Variants in LRP2 observed in about 807,000 individuals in gnomAD.
The protein encoded by LRP2 is low-density lipoprotein receptor-related protein 2.
LRP2 carries 172 observed loss-of-function variants against 531.0 expected under a neutral mutation model. The observed-to-expected ratio is 0.32, with a 90% CI of 0.29 to 0.37. The LOEUF (loss-of-function observed/expected upper bound fraction) is 0.37, where lower values mean the gene tolerates loss of function less well. LRP2 is among the 10% of genes least tolerant of loss of function. The pLI, the probability that LRP2 is intolerant of heterozygous loss-of-function variation, is 1.00. For synonymous variants in LRP2, 1,992 were observed against 2,027.6 expected (o/e 0.98, Z 0.47); for missense variants, 5,167 against 5,868.3 (o/e 0.88, Z 3.90).
chr2:169,327,569 C>T (rs1317577319), intron 1 of LRP2, among the ~76,000 whole-genome samples: 49 of 123,276 alleles, frequency 4.0e-4, no homozygotes, highest in Admixed American at 1.6e-3. Context: ...CCGCCCCATC[C>T]GGGAGGTGAG....
At chr2:169,211,398 A>G (rs781690934) in intron 37 of LRP2, among the ~76,000 whole-genome samples, 6 of 152,136 alleles carry the variant, frequency 3.9e-5, no homozygotes, top group Non-Finnish European at 5.9e-5. Context: ...ACAGTATGTA[A>G]GCACAAAGTG....
Position 169,246,940 on chromosome 2 carries a change from G to A in LRP2, c.2955C>T (p.Ser985=). Residue 985 remains serine, a synonymous_variant, in exon 21 of 79, where the codon AGC becomes AGT. Coordinates refer to ENST00000649046, the MANE Select transcript of LRP2 (RefSeq NM_004525.3). The stretch of plus-strand genomic sequence containing the variant: ...AATTTGGCACCGGGAAGCAGAAGTG[G>A]CTGCAGTCACCGTTAGGATGCGTGG... The part of the protein sequence containing the change: ...NQPTHPNGDC[S]HFCFPVPNFQ... 1.9e-6 allele frequency: 3 copies of A among 1,614,198 alleles called. No homozygotes were observed. The highest frequency in any genetic ancestry group is 2.5e-6 in the Non-Finnish European group (3 of 1,180,054).
Position 169,156,387 on chromosome 2 carries a change from T to C in LRP2, c.12038A>G (p.Gln4013Arg), listed in dbSNP as rs1210881500. 1.2e-6 allele frequency: 2 copies of C among 1,613,444 alleles called. No individual in the cohort carries two copies. Among genetic ancestry groups the C allele is most frequent in the Admixed American group, 1.7e-5 (1 of 59,950 alleles). ...TSCLDINECE[Q>R]FGTCPQHCRN... is the part of the protein sequence containing the mutation. ...GCAGTGCTGGGGACAAGTCCCAAAT[T>C]GTTCACATTCATTGATATCTGTAGG... Residue 4013 changes from glutamine to arginine, a missense_variant, in exon 65 of 79, where the codon CAA becomes CGA. By Grantham distance (43) the Gln-to-Arg change is conservative. This residue lies in a region of LRP2 where 564 missense variants were observed against 747.7 expected (regional missense o/e 0.75). Transcript: ENST00000649046.
At chr2:169,272,809 A>G (rs1683453476) in intron 15 of LRP2, 118 bp downstream of exon 15, 7 of 1,317,168 alleles carry the variant, frequency 5.3e-6, no homozygotes, top group Admixed American at 1.7e-5. Context: ...GCTTATTTGC[A>G]GTCAAGAAGT....
At chr2:169,168,281 G>A (rs1023911999) in intron 61 of LRP2, among the ~76,000 whole-genome samples, 2 of 151,540 alleles carry the variant, frequency 1.3e-5, no homozygotes, top group East Asian at 3.9e-4. Context: ...TGCATACTAG[G>A]TTTTCAAGCA....
intron 74 of LRP2, among the ~76,000 whole-genome samples, 191 bp downstream of exon 74, chr2:169,139,060 T>C (rs1685622664): frequency 6.6e-6 from 1 of 152,182 alleles, no homozygotes; most frequent in Admixed American, 6.5e-5. Context: ...CACTCAGGCT[T>C]TAGAGAAGCA....
chr2:169,200,073 A>AT (rs1232314637), intron 44 of LRP2, among the ~76,000 whole-genome samples: 1 of 152,086 alleles, frequency 6.6e-6, no homozygotes, highest in Non-Finnish European at 1.5e-5. Context: ...ACATGGTGAA[A>AT]CCTCGTCTCT....
At chr2:169,352,137 C>T (rs545758249) in intron 1 of LRP2, among the ~76,000 whole-genome samples, 1 of 152,280 alleles carries the variant, frequency 6.6e-6, no homozygotes, top group South Asian at 2.1e-4. Flanking sequence ...AATTCAGATT[C>T]AGGTGAGAAA....
At position 169,259,053 on chromosome 2, in the gene LRP2, G is replaced by A. The variant is rs368619363; in HGVS notation, c.2485C>T (p.Arg829Trp). Residue 829 changes from arginine (R) to tryptophan (W), a missense_variant, in exon 17 of 79, where the codon CGG (arginine) becomes TGG (tryptophan). Physicochemically the swap from Arg to Trp is moderately radical, Grantham distance 101. Around this residue, in one of 6 missense-constraint regions of LRP2, gnomAD observed 2,811 missense variants for 3,058.0 expected, o/e 0.92. Coordinates refer to ENST00000649046, the MANE Select transcript of LRP2 (RefSeq NM_004525.3). ...GCAAAAGGATGAACTACCACCGACC[G>A]TGGGTTATTTAAATACTGAACTACT... The part of the protein sequence containing the change: ...RTVVQYLNNP[R>W]SVVVHPFAGY... 7.7e-5 allele frequency: 125 copies of A among 1,613,106 alleles called. No homozygotes were observed. Among genetic ancestry groups the A allele is most frequent in the Non-Finnish European group, 9.9e-5 (117 of 1,179,556 alleles).
At chr2:169,285,644 T>C (rs369621187) in intron 9 of LRP2, among the ~76,000 whole-genome samples, 1 of 152,130 alleles carries the variant, frequency 6.6e-6, no homozygotes, top group African/African-American at 2.4e-5. Flanking sequence ...CTCTGATCCA[T>C]CTGGCTGTGT....
At chr2:169,310,952 T>G (rs1684579908) in intron 3 of LRP2, among the ~76,000 whole-genome samples, 1 of 152,206 alleles carries the variant, frequency 6.6e-6, no homozygotes, top group Admixed American at 6.5e-5. Flanking sequence ...GTCAAGGAAT[T>G]TATCCATTTC....
Position 169,128,543 on chromosome 2 carries a change from G to A in LRP2, c.*120C>T, listed in dbSNP as rs1685172594. 1.0e-6 allele frequency: 1 copy of A among 998,950 alleles called. No individual in the cohort carries two copies. The highest frequency in any genetic ancestry group is 1.5e-6 in the Non-Finnish European group (1 of 648,214). The allele number at this position is 998,950 out of a possible 1,614,324, so 61.9% of individuals were successfully genotyped here. ...GACACACAGGATACCTCCAACTATA[G>A]GCAAACAGGGAAAAATATATTTTTT... is the stretch of plus-strand genomic sequence containing the variant. On this transcript the variant is annotated 3_prime_UTR_variant, in exon 79 of 79. Coordinates refer to ENST00000649046, the MANE Select transcript of LRP2 (RefSeq NM_004525.3).
At position 169,238,271 on chromosome 2, in the gene LRP2, A is replaced by T; in HGVS notation, c.4326T>A (p.Ser1442Arg). 6.2e-7 allele frequency: 1 copy of T among 1,614,148 alleles called. No homozygotes were observed. Among genetic ancestry groups the T allele is most frequent in the Non-Finnish European group, 8.5e-7 (1 of 1,179,984 alleles). The change falls in exon 27 of 79, where the codon AGT (serine) becomes AGA (arginine). Residue 1442 changes from serine to arginine, a missense_variant. By Grantham distance (110) the Ser-to-Arg change is moderately radical. This residue lies in a region of LRP2 where 2,811 missense variants were observed against 3,058.0 expected (regional missense o/e 0.92). Coordinates refer to ENST00000649046, the MANE Select transcript of LRP2 (RefSeq NM_004525.3). The stretch of plus-strand genomic sequence containing the variant: ...CACTGTCGGCAATAATTTTGTTCTG[A>T]CTTGCCACAAGTAACAGCAGACTCT... ...ASESLLLLVA[S>R]QNKIIADSVT...
intron 44 of LRP2, among the ~76,000 whole-genome samples, chr2:169,201,214 T>C (rs972069459): frequency 2.0e-5 from 3 of 152,232 alleles, no homozygotes; most frequent in Non-Finnish European, 1.5e-5. Context: ...TGAAGAATTA[T>C]AACAATCAAA....
chr2:169,295,202 A>C (rs906719127), intron 4 of LRP2, among the ~76,000 whole-genome samples: 1 of 152,176 alleles, frequency 6.6e-6, no homozygotes, highest in African/African-American at 2.4e-5. Context: ...AGAGTTCAGG[A>C]GCCCTGGCGG....
intron 70 of LRP2, 49 bp from the exon 71 acceptor site, chr2:169,142,842 C>T (rs2105343006): frequency 1.2e-6 from 2 of 1,609,858 alleles, no homozygotes; most frequent in East Asian, 2.2e-5. Flanking sequence ...AATGAATAAC[C>T]TGAATACCCA....
Position 169,280,410 on chromosome 2 carries a change from C to A in LRP2, c.1281G>T (p.Val427=), listed in dbSNP as rs1027720589. ...GCAGGTGATAGTGGAAAGCCACACC[C>A]ACGGCCACTCCACGATTCTGAGACT... is the stretch of plus-strand genomic sequence containing the variant. ...LVESQNRGVA[V]GVAFHYHLQR... is the part of the protein sequence containing the mutation. The change falls in exon 11 of 79, where the codon GTG becomes GTT. Residue 427 remains valine (V), a synonymous_variant. Coordinates refer to ENST00000649046, the MANE Select transcript of LRP2 (RefSeq NM_004525.3). The A allele has an allele frequency of 6.2e-7, 1 of 1,614,138 alleles. No individual in the cohort carries two copies. The highest frequency in any genetic ancestry group is 8.5e-7 in the Non-Finnish European group (1 of 1,180,032).
At chr2:169,354,383 C>T (rs984133985) in intron 1 of LRP2, among the ~76,000 whole-genome samples, 1 of 152,174 alleles carries the variant, frequency 6.6e-6, no homozygotes, top group Non-Finnish European at 1.5e-5. Flanking sequence ...AAGATCTGGA[C>T]AATAAATGCG....
chr2:169,304,365 A>C (rs1228399949), intron 4 of LRP2, among the ~76,000 whole-genome samples: 4 of 152,144 alleles, frequency 2.6e-5, no homozygotes, highest in African/African-American at 9.7e-5. Context: ...ACAACCTCAA[A>C]CAAGTCACGC....
Sources: gnomAD v4.1 joint callset for allele counts (sites outside exome capture counted in the v4.1 genomes callset) on GRCh38, gnomAD v4.1.1 for gene constraint, gnomAD v4.1.1 regional missense constraint, MANE v1.5 for transcripts, NCBI Gene and HGNC (gene_info 2026-07-23, HGNC 2026-07-21) for gene names.